The following ZZEF1 variants were observed in gnomAD, a reference collection of about 807,000 sequenced individuals.
The protein encoded by ZZEF1 is zinc finger ZZ-type and EF-hand domain-containing protein 1.
In ZZEF1, 157 loss-of-function variants were observed where a neutral mutation model predicts 342.8. The ratio of observed to expected loss-of-function variants is 0.46; its 90% CI spans 0.40 to 0.52. The LOEUF (loss-of-function observed/expected upper bound fraction) is 0.52, where lower values mean the gene tolerates loss of function less well. Ranked by LOEUF, ZZEF1 falls within the 20% of genes least tolerant of loss-of-function variation. The pLI, the probability that ZZEF1 is intolerant of heterozygous loss-of-function variation, is 0.00. For missense variants in ZZEF1, 3,480 were observed against 3,725.6 expected, an observed-to-expected ratio of 0.93 and a Z score of 1.72; for synonymous variants, 1,505 against 1,429.1, an observed-to-expected ratio of 1.05 and a Z score of -1.20.
At chr17:4,112,150 CT>C (rs1434115049) in intron 5 of ZZEF1, among the ~76,000 whole-genome samples, 1 of 126,150 alleles carries the variant, frequency 7.9e-6, no homozygotes. Context: ...TAATTTCCTT[CT>C]TTTTTTTGGT....
chr17:4,057,418 C>A (rs2145196139), intron 32 of ZZEF1, among the ~76,000 whole-genome samples: 1 of 152,298 alleles, frequency 6.6e-6, no homozygotes, highest in Admixed American at 6.5e-5. Flanking sequence ...GTGCATTCCC[C>A]CTCCCCTTCT....
Position 4,034,158 on chromosome 17 carries a change from A to C in ZZEF1, c.6441T>G (p.Leu2147=). Residue 2147 remains leucine, a synonymous_variant, in exon 40 of 55, where the codon CTT becomes CTG. Transcript: ENST00000381638. ...CTGCGGCGTCTACCTCTGCTGGCAA[A>C]AGACGGATAATTAACTGGCCGAGAA... ...LGLLGQLIIR[L]LPAEVDAAVI... 1.9e-6 allele frequency: 3 copies of C among 1,614,142 alleles called. No homozygotes were observed. Among genetic ancestry groups the C allele is most frequent in the Non-Finnish European group, 2.5e-6 (3 of 1,180,032 alleles).
At position 4,006,834 on chromosome 17, in the gene ZZEF1, T is replaced by C. The variant is rs2055811522; in HGVS notation, c.*56A>G. ...GAGTTTTCCTGAATGAGGTTAGATG[T>C]CTGCTCTAAAATCCCTGTGGCAGAT... On this transcript the variant is annotated 3_prime_UTR_variant, in exon 55 of 55. Coordinates refer to ENST00000381638, the MANE Select transcript of ZZEF1 (RefSeq NM_015113.4). 4 of 1,532,480 alleles carry C rather than the reference T, an allele frequency of 2.6e-6. No individual in the cohort carries two copies. Among genetic ancestry groups the C allele is most frequent in the Non-Finnish European group, 3.5e-6 (4 of 1,128,892 alleles). The allele number at this position is 1,532,480 out of a possible 1,614,324, so 94.9% of individuals were successfully genotyped here.
intron 7 of ZZEF1, 93 bp downstream of exon 7, chr17:4,105,600 C>G (rs925626233): frequency 1.0e-6 from 1 of 987,572 alleles, no homozygotes; most frequent in Non-Finnish European, 1.5e-6. Flanking sequence ...TAGTGGTGAT[C>G]GTTAAAAGAT....
chr17:4,034,681 T>G (rs773210349), intron 39 of ZZEF1, among the ~76,000 whole-genome samples: 1 of 152,202 alleles, frequency 6.6e-6, no homozygotes, highest in Non-Finnish European at 1.5e-5. Context: ...CCTTTTTCTA[T>G]GCATATTTAT....
intron 21 of ZZEF1, 77 bp from the exon 22 acceptor site, chr17:4,075,506 T>C: frequency 6.6e-7 from 1 of 1,522,918 alleles, no homozygotes; most frequent in Non-Finnish European, 8.9e-7. Context: ...ACTGTTTCTC[T>C]ATCAGTGCTC....
Position 4,009,761 on chromosome 17 carries a change from C to T in ZZEF1, c.8580-4G>A, listed in dbSNP as rs778716368. The T allele has an allele frequency of 2.0e-4, 323 of 1,613,346 alleles. No individual in the cohort carries two copies. The highest frequency in any genetic ancestry group is 2.6e-4 in the Non-Finnish European group (307 of 1,179,630). ...CAGCGCAAGGTCACACAGGTCACTG[C>T]AGGAGGAGCCCCGGAGGTGGTCAGT... On this transcript the variant is annotated splice_polypyrimidine_tract_variant and splice_region_variant and intron_variant, in intron 52 of 54. Transcript: ENST00000381638.
chr17:4,114,759 G>A (rs984197355), intron 3 of ZZEF1, among the ~76,000 whole-genome samples: 1 of 152,070 alleles, frequency 6.6e-6, no homozygotes, highest in Admixed American at 6.5e-5. Context: ...TTACCCCATC[G>A]TCTCTATCAG....
At chr17:4,124,447 C>T (rs1438405384) in intron 1 of ZZEF1, among the ~76,000 whole-genome samples, 15 of 152,096 alleles carry the variant, frequency 9.9e-5, no homozygotes, top group Admixed American at 9.8e-4. Flanking sequence ...TGGGCTTTTT[C>T]TTTTCCCTTT....
At chr17:4,057,526 G>A (rs1056132075) in intron 32 of ZZEF1, among the ~76,000 whole-genome samples, 1 of 152,136 alleles carries the variant, frequency 6.6e-6, no homozygotes, top group Non-Finnish European at 1.5e-5. Flanking sequence ...CTTCATACAT[G>A]ACTTTTTTCT....
intron 2 of ZZEF1, among the ~76,000 whole-genome samples, chr17:4,122,554 A>G (rs1276300002): frequency 6.6e-6 from 1 of 151,776 alleles, no homozygotes; most frequent in East Asian, 1.9e-4. Context: ...TAATTTTTGT[A>G]TTTTTAGTAG....
rs1424547246 is a variant in ZZEF1, at chr17:4,009,613, G to A, written c.8724C>T (p.Asn2908=). The change falls in exon 53 of 55, where the codon AAC becomes AAT. Residue 2908 remains asparagine, a synonymous_variant. Transcript: ENST00000381638. ...ALTELFFVTE[N]RAQELGVLQD... ...AGACCTCAGGCCTCACCTGGGCACG[G>A]TTCTCGGTGACGAAGAAGAGCTCAG... 1.2e-6 allele frequency: 2 copies of A among 1,613,554 alleles called. No individual in the cohort carries two copies. The highest frequency in any genetic ancestry group is 1.7e-5 in the Admixed American group (1 of 60,028).
In ZZEF1 at chr17:4,124,026, C is replaced by T. The variant is rs149929496; in HGVS notation, c.380G>A (p.Gly127Asp). 1 of 1,613,602 alleles carries T rather than the reference C, an allele frequency of 6.2e-7. No individual in the cohort carries two copies. The highest frequency in any genetic ancestry group is 1.3e-5 in the African/African-American group (1 of 75,008). The change falls in exon 2 of 55, where the codon GGT (glycine) becomes GAT (aspartate). Residue 127 changes from glycine (G) to aspartate (D), a missense_variant. Transcript: ENST00000381638. ...EEAFAQFDAEGDGTVDAENML... is the reference protein window; with the variant it reads ...EEAFAQFDAEDDGTVDAENML... ...GTTCTCGGCATCAACTGTCCCATCA[C>T]CCTCAGCATCAAACTGGGCAAAGGC...
chr17:4,013,943 G>T (rs1010740349), intron 51 of ZZEF1, 147 bp downstream of exon 51: 2 of 745,120 alleles, frequency 2.7e-6, no homozygotes, highest in African/African-American at 3.5e-5. Flanking sequence ...AGGAGTGACA[G>T]GTGTGGGGCT....
intron 37 of ZZEF1, among the ~76,000 whole-genome samples, chr17:4,044,653 G>A (rs2056874274): frequency 6.6e-6 from 1 of 151,828 alleles, no homozygotes; most frequent in Non-Finnish European, 1.5e-5. Context: ...TGAGTAGCTG[G>A]GACTACAGGT....
chr17:4,138,062 T>C (rs74453759), intron 1 of ZZEF1, among the ~76,000 whole-genome samples: 10,819 of 152,224 alleles, frequency 0.071, 563 homozygotes, highest in South Asian at 0.2. Flanking sequence ...ACAGGGCTAG[T>C]GCAGGTGGGG....
intron 1 of ZZEF1, among the ~76,000 whole-genome samples, chr17:4,129,107 T>C (rs1440330727): frequency 6.6e-6 from 1 of 152,132 alleles, no homozygotes; most frequent in Non-Finnish European, 1.5e-5. Context: ...AGGTATGTAA[T>C]TCACACACTA....
chr17:4,116,770 T>C (rs891206232), intron 3 of ZZEF1, among the ~76,000 whole-genome samples: 3 of 152,134 alleles, frequency 2.0e-5, no homozygotes, highest in African/African-American at 7.2e-5. Flanking sequence ...CAAAGTCACA[T>C]CTGAGCAGAG....
chr17:4,083,886 C>T (rs927666280), intron 16 of ZZEF1, among the ~76,000 whole-genome samples: 1 of 152,074 alleles, frequency 6.6e-6, no homozygotes, highest in African/African-American at 2.4e-5. Context: ...ATTAGAAACG[C>T]CTTTTTAAAA....
Sources: gnomAD v4.1 joint callset for allele counts (sites outside exome capture counted in the v4.1 genomes callset) on GRCh38, gnomAD v4.1.1 for gene constraint, MANE v1.5 for transcripts, NCBI Gene and HGNC (gene_info 2026-07-23, HGNC 2026-07-21) for gene names.